OXSR1: variants seen among roughly 807,000 people sequenced by gnomAD.
OXSR1 encodes the protein serine/threonine-protein kinase OSR1.
OXSR1 carries 24 observed loss-of-function variants against 79.8 expected under a neutral mutation model. The observed-to-expected ratio is 0.30, with a 90% CI of 0.22 to 0.42. The LOEUF (loss-of-function observed/expected upper bound fraction) is 0.42. Among genes scored for constraint, OXSR1 ranks in the 10% least tolerant of loss-of-function variants. The pLI is 1.00. For synonymous variants in OXSR1, 226 were observed against 209.2 expected (o/e 1.08, Z -0.69); for missense variants, 430 against 618.4 (o/e 0.70, Z 3.23).
At chr3:38,252,711 A>G in intron 17 of OXSR1, 106 bp from the exon 18 acceptor site, 1 of 818,950 alleles carries the variant, frequency 1.2e-6, no homozygotes, top group East Asian at 2.5e-5. Context: ...TATCCTAGGG[A>G]CCTGTTGCCC....
At chr3:38,189,988 C>T (rs575832795) in intron 2 of OXSR1, among the ~76,000 whole-genome samples, 1 of 152,154 alleles carries the variant, frequency 6.6e-6, no homozygotes, top group African/African-American at 2.4e-5. Context: ...TCTAACTAAA[C>T]CTGGGAAGCT....
chr3:38,203,929 T>C (rs1702217890), intron 4 of OXSR1, among the ~76,000 whole-genome samples: 1 of 152,124 alleles, frequency 6.6e-6, no homozygotes. Flanking sequence ...ATGGCAGTCA[T>C]TTTACCCCAC....
chr3:38,238,136 A>T (rs1702957355), intron 11 of OXSR1, among the ~76,000 whole-genome samples: 1 of 152,164 alleles, frequency 6.6e-6, no homozygotes, highest in African/African-American at 2.4e-5. Flanking sequence ...ATTGGTATCT[A>T]AACAACACAG....
intron 4 of OXSR1, among the ~76,000 whole-genome samples, chr3:38,211,902 G>A (rs1220469161): frequency 6.6e-6 from 1 of 152,162 alleles, no homozygotes; most frequent in Non-Finnish European, 1.5e-5. Flanking sequence ...GGTGTGTTTT[G>A]GGTCAAGGGC....
intron 4 of OXSR1, among the ~76,000 whole-genome samples, chr3:38,212,987 A>G (rs984777175): frequency 6.6e-6 from 1 of 152,218 alleles, no homozygotes; most frequent in Non-Finnish European, 1.5e-5. Flanking sequence ...AAGCTATTCT[A>G]CAGATTGTAC....
chr3:38,206,170 T>C (rs963441001), intron 4 of OXSR1, among the ~76,000 whole-genome samples: 8 of 152,312 alleles, frequency 5.3e-5, no homozygotes, highest in Non-Finnish European at 1.0e-4. Context: ...TTACTATTAT[T>C]AATCTTACTT....
Position 38,253,095 on chromosome 3 carries a change from C to T in OXSR1, c.*204C>T. On this transcript the variant is annotated 3_prime_UTR_variant, in exon 18 of 18. Coordinates refer to ENST00000311806, the MANE Select transcript of OXSR1 (RefSeq NM_005109.3). ...TTGGATCACTAGTGGCCAGCATCCC[C>T]AGAGTTCCGTTAGTAAACTTACTTC... The T allele has an allele frequency of 3.5e-6, 2 of 574,034 alleles. No individual in the cohort carries two copies. Among genetic ancestry groups the T allele is most frequent in the East Asian group, 5.8e-5 (2 of 34,430 alleles). The allele number at this position is 574,034 out of a possible 1,614,324, so 35.6% of individuals were successfully genotyped here. A position where few individuals can be genotyped will look rare whatever the true frequency, so the allele number is the denominator to read the frequency against.
chr3:38,217,787 C>T (rs1177572755), intron 5 of OXSR1, among the ~76,000 whole-genome samples: 3 of 152,158 alleles, frequency 2.0e-5, no homozygotes, highest in South Asian at 4.1e-4. Context: ...TTCCACCTCT[C>T]ACCCCAGCCA....
chr3:38,227,808 T>C (rs1702722959), intron 8 of OXSR1, among the ~76,000 whole-genome samples: 1 of 152,136 alleles, frequency 6.6e-6, no homozygotes, highest in African/African-American at 2.4e-5. Flanking sequence ...GACAAACTCC[T>C]ACAGGCAACC....
intron 5 of OXSR1, among the ~76,000 whole-genome samples, chr3:38,219,753 C>T (rs74475736): frequency 0.012 from 1,828 of 150,870 alleles, 34 homozygotes; most frequent in African/African-American, 0.042. Context: ...AGATATTTCC[C>T]GGTTTAGGAG....
intron 4 of OXSR1, 106 bp downstream of exon 4, chr3:38,198,969 A>C (rs1702114849): frequency 1.1e-6 from 1 of 913,716 alleles, no homozygotes; most frequent in Non-Finnish European, 1.7e-6. Context: ...TTGTATCACT[A>C]GTTTTAGTAC....
chr3:38,202,743 T>A (rs1005950122), intron 4 of OXSR1, among the ~76,000 whole-genome samples: 4 of 152,322 alleles, frequency 2.6e-5, no homozygotes, highest in Admixed American at 6.5e-5. Flanking sequence ...TAATATAACT[T>A]AGGAATAACC....
At chr3:38,208,985 T>TGTGTGC (rs1019752484) in intron 4 of OXSR1, among the ~76,000 whole-genome samples, 48 of 128,222 alleles carry the variant, frequency 3.7e-4, no homozygotes, top group African/African-American at 5.0e-4. Context: ...TGTGTGTGTG[T>TGTGTGC]GCGCGCGCGC....
intron 4 of OXSR1, among the ~76,000 whole-genome samples, chr3:38,209,483 C>T (rs1428816821): frequency 1.3e-5 from 2 of 152,030 alleles, no homozygotes; most frequent in Non-Finnish European, 2.9e-5. Context: ...AGGCTGGTCT[C>T]GAACTCCTGG....
At chr3:38,172,863 A>G (rs1042814453) in intron 1 of OXSR1, among the ~76,000 whole-genome samples, 3 of 152,236 alleles carry the variant, frequency 2.0e-5, no homozygotes, top group African/African-American at 7.2e-5. Flanking sequence ...TTATATAACA[A>G]GAAGACTGGA....
chr3:38,232,306 C>T (rs147988886), intron 10 of OXSR1, among the ~76,000 whole-genome samples: 140 of 151,970 alleles, frequency 9.2e-4, no homozygotes, highest in Non-Finnish European at 1.4e-3. Flanking sequence ...CCTCTGGTCC[C>T]GGCTATTCAG....
chr3:38,175,981 G>A (rs1367768537), intron 1 of OXSR1, among the ~76,000 whole-genome samples: 1 of 152,238 alleles, frequency 6.6e-6, no homozygotes, highest in East Asian at 1.9e-4. Flanking sequence ...GCTTAGTCGA[G>A]GGCATTAGGG....
At chr3:38,190,012 G>A (rs1266764737) in intron 2 of OXSR1, among the ~76,000 whole-genome samples, 1 of 152,154 alleles carries the variant, frequency 6.6e-6, no homozygotes, top group Non-Finnish European at 1.5e-5. Flanking sequence ...AGGAAATTTT[G>A]TCTAGACTGA....
intron 3 of OXSR1, among the ~76,000 whole-genome samples, chr3:38,191,975 C>G (rs1202149866): frequency 3.9e-5 from 6 of 152,138 alleles, no homozygotes; most frequent in Non-Finnish European, 7.3e-5. Context: ...CTAGTTCCTA[C>G]TGAAAAGGCA....
Sources: gnomAD v4.1 joint callset for allele counts (sites outside exome capture counted in the v4.1 genomes callset) on GRCh38, gnomAD v4.1.1 for gene constraint, MANE v1.5 for transcripts, NCBI Gene and HGNC (gene_info 2026-07-23, HGNC 2026-07-21) for gene names.